Variants in LAMA3 observed in about 807,000 individuals in gnomAD.
LAMA3 encodes laminin subunit alpha-3.
Under a neutral mutation model 402.0 loss-of-function variants are expected in LAMA3, and 281 were observed. The observed-to-expected ratio is 0.70, with a 90% confidence interval of 0.63 to 0.77. LAMA3 has a LOEUF of 0.77. Among genes scored for constraint, LAMA3 ranks in the 30% least tolerant of loss-of-function variants. LAMA3 has a pLI of 0.00. For missense variants in LAMA3, 3,840 were observed against 4,215.5 expected (o/e 0.91, Z 2.47); for synonymous variants, 1,431 against 1,558.4 (o/e 0.92, Z 1.93).
At chr18:23,759,510 C>T (rs1368878091) in intron 7 of LAMA3, among the ~76,000 whole-genome samples, 1 of 152,104 alleles carries the variant, frequency 6.6e-6, no homozygotes, top group Non-Finnish European at 1.5e-5. Flanking sequence ...GTTCTCCTGC[C>T]TCAGCCTCTC....
At chr18:23,826,644 A>T in intron 21 of LAMA3, 58 bp from the exon 22 acceptor site, 1 of 1,250,380 alleles carries the variant, frequency 8.0e-7, no homozygotes, top group Non-Finnish European at 1.1e-6. Context: ...ATTATTTTCT[A>T]TCCAAAGTAG....
intron 42 of LAMA3, among the ~76,000 whole-genome samples, chr18:23,891,654 G>A (rs1158256436): frequency 1.3e-5 from 2 of 152,306 alleles, no homozygotes; most frequent in South Asian, 2.1e-4. Flanking sequence ...TGGTCCTGTA[G>A]TTGAGTGGAA....
intron 32 of LAMA3, among the ~76,000 whole-genome samples, chr18:23,850,256 C>T (rs558310047): frequency 3.3e-5 from 5 of 152,218 alleles, no homozygotes; most frequent in African/African-American, 9.6e-5. Context: ...AAGCATTCAA[C>T]TTTATCATAC....
intron 2 of LAMA3, among the ~76,000 whole-genome samples, chr18:23,726,179 C>T (rs1007285945): frequency 1.2e-4 from 19 of 152,176 alleles, no homozygotes. Flanking sequence ...ATGCAGCACC[C>T]CTCCCCTCTT....
rs375599802 is a variant in LAMA3, at chr18:23,750,922, T to C, written c.689T>C (p.Val230Ala). The stretch of plus-strand genomic sequence containing the variant: ...ATGTGTGTGTGGTCATTTTAGGTTG[T>C]GGTGTCCTTGATAAACGGTCGTCCA... ...RIVPLENGEV[V>A]VSLINGRPGA... Residue 230 changes from valine (V) to alanine (A), a missense_variant, in exon 5 of 75, where the codon GTG becomes GCG. By Grantham distance (64) the Val-to-Ala change is moderately conservative (BLOSUM62 0). This residue lies in a region of LAMA3 where 2,109 missense variants were observed against 2,376.0 expected (regional missense o/e 0.89). Coordinates refer to ENST00000313654, the MANE Select transcript of LAMA3 (RefSeq NM_198129.4). The C allele has an allele frequency of 1.4e-4, 226 of 1,614,180 alleles. 2 individuals are homozygous for C. In the South Asian group the frequency reaches 1.9e-3, roughly 14 times the overall value.
chr18:23,791,733 C>G (rs151238294), intron 12 of LAMA3, among the ~76,000 whole-genome samples: 1 of 58,150 alleles, frequency 1.7e-5, no homozygotes, highest in Non-Finnish European at 3.3e-5. Context: ...GAGAATTTGT[C>G]TAAAAAAAAA....
chr18:23,825,462 A>G lies in LAMA3; in HGVS notation c.2571+897A>G, dbSNP rs181054291. On this transcript the variant is annotated intron_variant, in intron 21 of 74. Coordinates refer to ENST00000313654, the MANE Select transcript of LAMA3 (RefSeq NM_198129.4). The stretch of plus-strand genomic sequence containing the variant: ...ATCTTAGGAAAGTCGCTTAATTCCA[A>G]TCCTGTCTCTTCCAGTCCTGCCAGT... Among the ~76,000 whole-genome samples, 6 of 152,276 alleles carry G rather than the reference A, an allele frequency of 3.9e-5. No individual in the cohort carries two copies. In the East Asian group the frequency reaches 9.6e-4, roughly 24 times the overall value.
chr18:23,703,879 T>A (rs1301078180), intron 1 of LAMA3, among the ~76,000 whole-genome samples: 1 of 152,176 alleles, frequency 6.6e-6, no homozygotes, highest in Non-Finnish European at 1.5e-5. Flanking sequence ...CTTGCCCAAA[T>A]CTTCAGTAAC....
At chr18:23,942,250 C>A (rs762212978) in intron 68 of LAMA3, among the ~76,000 whole-genome samples, 1 of 152,170 alleles carries the variant, frequency 6.6e-6, no homozygotes, top group Non-Finnish European at 1.5e-5. Flanking sequence ...GAACCCATGC[C>A]TCCTATCTGG....
chr18:23,878,520 G>A (rs1036305024), intron 39 of LAMA3, among the ~76,000 whole-genome samples: 4 of 152,224 alleles, frequency 2.6e-5, no homozygotes, highest in Non-Finnish European at 1.5e-5. Flanking sequence ...ACACACACAC[G>A]GAGCCCATGT....
chr18:23,939,073 G>A (rs999004375), intron 67 of LAMA3, 150 bp from the exon 68 acceptor site: 50 of 802,002 alleles, frequency 6.2e-5, no homozygotes, highest in Non-Finnish European at 8.2e-5. Flanking sequence ...GGCTCTCAGC[G>A]GAAACTTCCC....
chr18:23,944,193 A>T (rs1014868136), intron 69 of LAMA3, among the ~76,000 whole-genome samples: 2 of 152,066 alleles, frequency 1.3e-5, no homozygotes, highest in African/African-American at 4.8e-5. Context: ...GGCTTTACTG[A>T]TGCTTCTTCC....
chr18:23,728,761 TG>T (rs1359034739), intron 2 of LAMA3, among the ~76,000 whole-genome samples: 1 of 152,154 alleles, frequency 6.6e-6, no homozygotes, highest in Non-Finnish European at 1.5e-5. Context: ...GCTGGTGCAG[TG>T]GCTCACTCCT....
At chr18:23,893,458 C>T (rs1165518736) in intron 42 of LAMA3, among the ~76,000 whole-genome samples, 1 of 152,128 alleles carries the variant, frequency 6.6e-6, no homozygotes. Flanking sequence ...TGGTGCGCGC[C>T]TGTAGTCCCA....
At chr18:23,865,998 A>C (rs1175421911) in intron 36 of LAMA3, among the ~76,000 whole-genome samples, 1 of 152,106 alleles carries the variant, frequency 6.6e-6, no homozygotes, top group Non-Finnish European at 1.5e-5. Flanking sequence ...ATGCCCGGCT[A>C]ATTTTTGTAT....
At chr18:23,848,767 C>T (rs1056232849) in intron 32 of LAMA3, among the ~76,000 whole-genome samples, 1 of 152,224 alleles carries the variant, frequency 6.6e-6, no homozygotes, top group Non-Finnish European at 1.5e-5. Flanking sequence ...TTTATTCTTA[C>T]ACATTTCTGG....
rs532395044 is a variant in LAMA3, at chr18:23,772,544, A to G, written c.1183-953A>G. On this transcript the variant is annotated intron_variant, in intron 8 of 74. Coordinates refer to ENST00000313654, the MANE Select transcript of LAMA3 (RefSeq NM_198129.4). The stretch of plus-strand genomic sequence containing the variant: ...TGTTTATGCATGTAAATTTCAAGTC[A>G]CAGAAGTGGCCAATGTGGTTTTAGA... Among the ~76,000 whole-genome samples the G allele has an allele frequency of 3.9e-5, 6 of 152,304 alleles. No homozygotes were observed. The South Asian group carries it at 1.2e-3, about 32-fold the overall frequency.
intron 1 of LAMA3, among the ~76,000 whole-genome samples, chr18:23,706,938 C>T (rs901849954): frequency 2.0e-5 from 3 of 152,024 alleles, no homozygotes; most frequent in Non-Finnish European, 2.9e-5. Flanking sequence ...ATTAGCTGGA[C>T]GTGGTGGCAC....
chr18:23,805,329 T>G (rs1307397548), intron 12 of LAMA3, among the ~76,000 whole-genome samples: 1 of 152,184 alleles, frequency 6.6e-6, no homozygotes, highest in African/African-American at 2.4e-5. Context: ...GGGCAAGCAG[T>G]AGGAATCACC....
Sources: gnomAD v4.1 joint callset for allele counts (sites outside exome capture counted in the v4.1 genomes callset) on GRCh38, gnomAD v4.1.1 for gene constraint, gnomAD v4.1.1 regional missense constraint, MANE v1.5 for transcripts, NCBI Gene and HGNC (gene_info 2026-07-23, HGNC 2026-07-21) for gene names.